ZNF704: variants seen among roughly 807,000 people sequenced by gnomAD.
The protein encoded by ZNF704 is zinc finger protein 704.
ZNF704 carries 10 observed loss-of-function variants against 44.7 expected under a neutral mutation model. The ratio of observed to expected loss-of-function variants is 0.22; its 90% confidence interval spans 0.14 to 0.38. The LOEUF (loss-of-function observed/expected upper bound fraction) is 0.38, where lower values mean the gene tolerates loss of function less well. ZNF704 is among the 10% of genes least tolerant of loss of function. The pLI is 1.00. For missense variants in ZNF704, 390 were observed against 545.5 expected (o/e 0.71, Z 2.84); for synonymous variants, 211 against 207.6 (o/e 1.02, Z -0.14).
At chr8:80,721,757 T>C (rs1398152579) in intron 2 of ZNF704, among the ~76,000 whole-genome samples, 1 of 152,212 alleles carries the variant, frequency 6.6e-6, no homozygotes, top group Non-Finnish European at 1.5e-5. Flanking sequence ...TTAACACTTA[T>C]AGTCCAGTGG....
At position 80,628,789 on chromosome 8, in the gene ZNF704, C is replaced by G. The variant is rs370912613; in HGVS notation, c.*12577G>C. The G allele has an allele frequency of 1.3e-5, 2 of 152,184 alleles. No homozygotes were observed. The highest frequency in any genetic ancestry group is 2.9e-5 in the Non-Finnish European group (2 of 68,044). 9.4% of individuals were successfully genotyped at this position (152,184 alleles called of 1,614,324 possible). On this transcript the variant is annotated 3_prime_UTR_variant, in exon 9 of 9. Coordinates refer to ENST00000327835, the MANE Select transcript of ZNF704 (RefSeq NM_001033723.3). ...TTCTACTTAAATGCTTCCAGAGGACCAGTGTAGCAAATCCTTAACTCTGGG... is the reference window on the plus strand; with the variant it reads ...TTCTACTTAAATGCTTCCAGAGGACGAGTGTAGCAAATCCTTAACTCTGGG...
At chr8:80,643,516 CAAAAA>C (rs1174433192) in intron 7 of ZNF704, among the ~76,000 whole-genome samples, 3 of 23,384 alleles carry the variant, frequency 1.3e-4, no homozygotes, top group Non-Finnish European at 3.0e-4. Flanking sequence ...GATCCTGTCT[CAAAAA>C]AAAAAAAAAA....
chr8:80,836,390 T>A (rs952162017), intron 1 of ZNF704, among the ~76,000 whole-genome samples: 1 of 152,168 alleles, frequency 6.6e-6, no homozygotes, highest in Non-Finnish European at 1.5e-5. Context: ...TCAAATGTCT[T>A]TCTCAGTGAA....
chr8:80,869,038 T>C (rs1249451740), intron 1 of ZNF704, among the ~76,000 whole-genome samples: 1 of 152,250 alleles, frequency 6.6e-6, no homozygotes, highest in East Asian at 1.9e-4. Context: ...CCTGCTCTGA[T>C]GCCTAACAGC....
chr8:80,830,775 T>C (rs1474922994), intron 1 of ZNF704, among the ~76,000 whole-genome samples: 27 of 146,610 alleles, frequency 1.8e-4, no homozygotes, highest in Non-Finnish European at 3.5e-4. Context: ...TTTTTTTTTT[T>C]CAGATGGAGT....
chr8:80,719,736 G>T (rs542020320), intron 2 of ZNF704, among the ~76,000 whole-genome samples: 1 of 152,254 alleles, frequency 6.6e-6, no homozygotes, highest in South Asian at 2.1e-4. Context: ...AATGTGTTAG[G>T]AGCTGAGGGA....
chr8:80,723,953 G>A (rs1373391598), intron 2 of ZNF704, among the ~76,000 whole-genome samples: 1 of 152,204 alleles, frequency 6.6e-6, no homozygotes, highest in Non-Finnish European at 1.5e-5. Flanking sequence ...AATGCTATTT[G>A]GTGGTGGCTC....
intron 3 of ZNF704, among the ~76,000 whole-genome samples, chr8:80,690,801 G>A (rs1236186740): frequency 6.6e-6 from 1 of 152,204 alleles, no homozygotes; most frequent in Non-Finnish European, 1.5e-5. Context: ...CTGATGTCAG[G>A]AGTTCGGGAC....
intron 2 of ZNF704, among the ~76,000 whole-genome samples, chr8:80,745,747 T>C (rs999685939): frequency 2.0e-5 from 3 of 152,178 alleles, no homozygotes; most frequent in African/African-American, 7.2e-5. Context: ...TACCAGTAAA[T>C]GCACATGAGC....
In ZNF704 at chr8:80,703,194, A is replaced by G. The variant is rs200193263; in HGVS notation, c.222-10087T>C. ...CTTCCAACTCGTGAAAATTCTCCAT[A>G]AGAAGACTCACTTTCTCCTCTCCAT... is the stretch of plus-strand genomic sequence containing the variant. On this transcript the variant is annotated intron_variant, in intron 2 of 8. Transcript: ENST00000327835. 2.6e-5 allele frequency among the ~76,000 whole-genome samples: 4 copies of G among 152,042 alleles called. No homozygotes were observed. In the East Asian group the frequency reaches 7.8e-4, roughly 30 times the overall value.
intron 2 of ZNF704, among the ~76,000 whole-genome samples, chr8:80,810,441 C>T (rs2129833499): frequency 6.6e-6 from 1 of 152,136 alleles, no homozygotes; most frequent in African/African-American, 2.4e-5. Context: ...GTTGCACTTC[C>T]TAGTTTATAA....
At chr8:80,746,579 C>T (rs1806847985) in intron 2 of ZNF704, among the ~76,000 whole-genome samples, 1 of 152,168 alleles carries the variant, frequency 6.6e-6, no homozygotes, top group African/African-American at 2.4e-5. Context: ...GTAAATTCAG[C>T]ACCTATGACA....
At chr8:80,848,943 G>T (rs1026337668) in intron 1 of ZNF704, among the ~76,000 whole-genome samples, 1 of 152,046 alleles carries the variant, frequency 6.6e-6, no homozygotes, top group African/African-American at 2.4e-5. Context: ...TCAGGCCTCT[G>T]AATTTTCCAC....
intron 2 of ZNF704, among the ~76,000 whole-genome samples, chr8:80,729,080 G>A (rs1806532570): frequency 6.6e-6 from 1 of 152,108 alleles, no homozygotes; most frequent in African/African-American, 2.4e-5. Flanking sequence ...AGTAACCTCT[G>A]TTGAACTATT....
chr8:80,766,702 C>T (rs7016810), intron 2 of ZNF704, among the ~76,000 whole-genome samples: 9,287 of 152,096 alleles, frequency 0.061, 315 homozygotes, highest in Non-Finnish European at 0.079. Flanking sequence ...GTTATCCAGT[C>T]TGACTCTTAT....
rs752205579 is a variant in ZNF704 at position 80,872,533 on chromosome 8, C to CT, written c.-22+2037dup. ...CTGAAATACCAATACCTTCTGAAAA[C>CT]TCTGGTAAAATGTTATTCAGCTGAT... On this transcript the variant is annotated intron_variant, in intron 1 of 8. Transcript: ENST00000327835. Among the ~76,000 whole-genome samples the CT allele has an allele frequency of 6.5e-4, 99 of 152,180 alleles. 1 individual carries two copies. Among genetic ancestry groups the CT allele is most frequent in the Non-Finnish European group, 1.3e-3 (88 of 68,006 alleles).
At chr8:80,823,572 G>A (rs1026256848) in intron 1 of ZNF704, among the ~76,000 whole-genome samples, 1 of 152,222 alleles carries the variant, frequency 6.6e-6, no homozygotes, top group Non-Finnish European at 1.5e-5. Context: ...GAAGAGAGTA[G>A]TGGTGCTCCC....
intron 2 of ZNF704, among the ~76,000 whole-genome samples, chr8:80,730,684 A>C (rs1421507067): frequency 6.6e-6 from 1 of 151,814 alleles, no homozygotes; most frequent in Non-Finnish European, 1.5e-5. Context: ...TGGTGGGAGC[A>C]TCTCCTTCCA....
Position 80,633,397 on chromosome 8 carries a change from T to C in ZNF704, c.*7969A>G, listed in dbSNP as rs1244203903. On this transcript the variant is annotated 3_prime_UTR_variant, in exon 9 of 9. Coordinates refer to ENST00000327835, the MANE Select transcript of ZNF704 (RefSeq NM_001033723.3). ...GGCTGAAATTTAGGGATTAGGGATC[T>C]GCTACAGTAAAGGGATTCATCTGGG... 1 of 152,230 alleles carries C rather than the reference T, an allele frequency of 6.6e-6. No individual in the cohort carries two copies. The highest frequency in any genetic ancestry group is 1.5e-5 in the Non-Finnish European group (1 of 68,048). The allele number at this position is 152,230 out of a possible 1,614,324, so 9.4% of individuals were successfully genotyped here. A position where few individuals can be genotyped will look rare whatever the true frequency, so the allele number is the denominator to read the frequency against.
Sources: allele counts gnomAD v4.1 joint callset (sites outside exome capture counted in the v4.1 genomes callset), GRCh38; gene constraint gnomAD v4.1.1; transcripts MANE v1.5; gene names NCBI Gene and HGNC (gene_info 2026-07-23, HGNC 2026-07-21).